NAA11: variants seen among roughly 807,000 people sequenced by gnomAD.
NAA11 encodes N-alpha-acetyltransferase 11.
In NAA11, 15 loss-of-function variants were observed where a neutral mutation model predicts 16.1. That is an observed-to-expected ratio of 0.93 (90% confidence interval 0.62 to 1.44). The LOEUF is 1.44. Ranked by LOEUF, NAA11 falls within the 40% of genes most tolerant of loss-of-function variation. NAA11 has a pLI of 0.00. For missense variants in NAA11, 298 were observed against 291.3 expected, an observed-to-expected ratio of 1.02 and a Z score of -0.17; for synonymous variants, 122 against 112.4, an observed-to-expected ratio of 1.09 and a Z score of -0.54.
intron 2 of NAA11, among the ~76,000 whole-genome samples, chr4:79,263,044 G>A (rs546624794): frequency 1.1e-4 from 16 of 152,208 alleles, no homozygotes; most frequent in Non-Finnish European, 1.9e-4. Flanking sequence ...ACATAGATGC[G>A]TGTTAAAAAC....
downstream of NAA11, among the ~76,000 whole-genome samples, chr4:79,315,465 G>T (rs1723899876): frequency 6.6e-6 from 1 of 152,130 alleles, no homozygotes; most frequent in South Asian, 2.1e-4. Context: ...TCATTCACAA[G>T]TTTTCCTCTT....
chr4:79,238,603 T>G (rs1721619905), intron 2 of NAA11, among the ~76,000 whole-genome samples: 1 of 152,146 alleles, frequency 6.6e-6, no homozygotes, highest in African/African-American at 2.4e-5. Flanking sequence ...TAATAATGCT[T>G]TCTTGGGGAG....
the NAA11 span, among the ~76,000 whole-genome samples, chr4:79,166,317 A>G: frequency 6.6e-6 from 1 of 151,944 alleles, no homozygotes; most frequent in South Asian, 2.1e-4. Context: ...AATTTCTTAC[A>G]GTGCACAGTT....
the NAA11 span, among the ~76,000 whole-genome samples, chr4:79,196,979 A>AAAAAAAAAAAAAAAAAAAAAAG: frequency 8.0e-5 from 10 of 125,542 alleles, no homozygotes; most frequent in Non-Finnish European, 1.2e-4. Flanking sequence ...AAAAAAAAAA[A>AAAAAAAAAAAAAAAAAAAAAAG]AAAGAAAGAA....
chr4:79,230,195 A>G (rs1310867960), intron 2 of NAA11, among the ~76,000 whole-genome samples: 2 of 151,094 alleles, frequency 1.3e-5, no homozygotes, highest in Non-Finnish European at 3.0e-5. Flanking sequence ...AACACCGCAT[A>G]TTCTCACTCA....
At chr4:79,177,911 A>C in the NAA11 span, among the ~76,000 whole-genome samples, 101 of 152,274 alleles carry the variant, frequency 6.6e-4, no homozygotes, top group African/African-American at 2.3e-3. Flanking sequence ...AGATGTAAAT[A>C]CTAATATCAT....
the NAA11 span, among the ~76,000 whole-genome samples, chr4:79,178,436 A>G: frequency 1.1e-4 from 17 of 152,244 alleles, no homozygotes; most frequent in African/African-American, 4.1e-4. Flanking sequence ...AATTTGATAC[A>G]AGTCCTAGAG....
chr4:79,312,167 C>G (rs950118312), downstream of NAA11, among the ~76,000 whole-genome samples: 3 of 152,106 alleles, frequency 2.0e-5, no homozygotes, highest in African/African-American at 7.2e-5. Context: ...CAAGAGAGTA[C>G]GTGATTTTTC....
chr4:79,262,233 C>G (rs1015949528), intron 2 of NAA11, among the ~76,000 whole-genome samples: 8 of 152,052 alleles, frequency 5.3e-5, no homozygotes, highest in Middle Eastern at 3.2e-3. Context: ...CATGCAAAGA[C>G]AAGCTAGTAA....
intron 2 of NAA11, among the ~76,000 whole-genome samples, chr4:79,232,259 C>T (rs1721483213): frequency 6.6e-6 from 1 of 151,792 alleles, no homozygotes; most frequent in African/African-American, 2.4e-5. Context: ...TGAAAATTTC[C>T]ATAATAAAAG....
At chr4:79,320,325 C>T (rs1483702251) in intron 1 of NAA11, among the ~76,000 whole-genome samples, 1 of 152,056 alleles carries the variant, frequency 6.6e-6, no homozygotes, top group African/African-American at 2.4e-5. Flanking sequence ...ATTTGATTAC[C>T]GTGGAGAAGA....
At chr4:79,288,033 C>A (rs1167499706) in intron 2 of NAA11, among the ~76,000 whole-genome samples, 2 of 152,120 alleles carry the variant, frequency 1.3e-5, no homozygotes, top group African/African-American at 2.4e-5. Flanking sequence ...CACAAGAAAG[C>A]CAGGCTCCAC....
At chr4:79,260,277 T>C (rs935177176) in intron 2 of NAA11, among the ~76,000 whole-genome samples, 1 of 152,218 alleles carries the variant, frequency 6.6e-6, no homozygotes, top group African/African-American at 2.4e-5. Context: ...GAATATTTTG[T>C]CATTTAGTTT....
At chr4:79,168,833 C>G in the NAA11 span, among the ~76,000 whole-genome samples, 20 of 152,150 alleles carry the variant, frequency 1.3e-4, no homozygotes, top group Non-Finnish European at 2.6e-4. Flanking sequence ...CCTGTTCACT[C>G]TGATGATAGT....
intron 2 of NAA11, among the ~76,000 whole-genome samples, chr4:79,230,865 A>T (rs1325726920): frequency 6.6e-6 from 1 of 151,836 alleles, no homozygotes; most frequent in Non-Finnish European, 1.5e-5. Flanking sequence ...CCATAGTTCT[A>T]CTCTCCCATT....
At chr4:79,243,296 A>C (rs1037618849) in intron 2 of NAA11, among the ~76,000 whole-genome samples, 4 of 152,214 alleles carry the variant, frequency 2.6e-5, no homozygotes, top group African/African-American at 9.6e-5. Context: ...TAATATTTTA[A>C]AAAATGAAGA....
chr4:79,318,181 A>G (rs1409536331), intron 1 of NAA11, among the ~76,000 whole-genome samples: 1 of 152,238 alleles, frequency 6.6e-6, no homozygotes, highest in Non-Finnish European at 1.5e-5. Context: ...TCCACTCAAA[A>G]GAAAATTTAT....
At chr4:79,309,891 A>G (rs1180428448) in intron 1 of NAA11, among the ~76,000 whole-genome samples, 1 of 151,546 alleles carries the variant, frequency 6.6e-6, no homozygotes, top group Non-Finnish European at 1.5e-5. Flanking sequence ...AATCTTTTGT[A>G]TTTTTAGTAA....
chr4:79,245,176 G>A (rs1721784719), intron 2 of NAA11: 2 of 158,834 alleles, frequency 1.3e-5, no homozygotes, highest in African/African-American at 2.4e-5. Context: ...CGTCTAGGAA[G>A]TGAGGAACAT....
Sources: gnomAD v4.1 joint callset for allele counts (sites outside exome capture counted in the v4.1 genomes callset) on GRCh38, gnomAD v4.1.1 for gene constraint, MANE v1.5 for transcripts, NCBI Gene and HGNC (gene_info 2026-07-23, HGNC 2026-07-21) for gene names.